PRKN: variants seen among roughly 807,000 people sequenced by gnomAD.
The protein encoded by PRKN is parkin RBR E3 ubiquitin protein ligase.
A neutral mutation model predicts 59.5 loss-of-function variants in PRKN; 56 were observed. The ratio of observed to expected loss-of-function variants is 0.94; its 90% CI spans 0.76 to 1.18. The LOEUF (loss-of-function observed/expected upper bound fraction) is 1.18. PRKN is among the 50% of genes most tolerant of loss of function. The pLI is 0.00. For missense variants in PRKN, 657 were observed against 596.4 expected (o/e 1.10, Z -1.06); for synonymous variants, 250 against 222.1 (o/e 1.13, Z -1.12).
chr6:161,422,113 A>G (rs900259604), intron 9 of PRKN, among the ~76,000 whole-genome samples: 3 of 152,100 alleles, frequency 2.0e-5, no homozygotes, highest in Non-Finnish European at 2.9e-5. Flanking sequence ...CATAAAACTT[A>G]TTAGCCAAGG....
chr6:162,101,793 G>A (rs1253408211), intron 4 of PRKN, among the ~76,000 whole-genome samples: 1 of 152,190 alleles, frequency 6.6e-6, no homozygotes, highest in Non-Finnish European at 1.5e-5. Flanking sequence ...GGCAGGTAGT[G>A]TGATGCCTCC....
intron 3 of PRKN, among the ~76,000 whole-genome samples, chr6:162,256,022 A>C (rs1195554056): frequency 1.3e-5 from 2 of 152,168 alleles, no homozygotes. Flanking sequence ...ATTAGAATCT[A>C]ATAACACACC....
At chr6:162,476,614 C>T (rs994002807) in intron 1 of PRKN, among the ~76,000 whole-genome samples, 2 of 152,086 alleles carry the variant, frequency 1.3e-5, no homozygotes, top group African/African-American at 4.8e-5. Context: ...GAGGAAAGGA[C>T]GAGCACAGGG....
intron 2 of PRKN, among the ~76,000 whole-genome samples, chr6:162,411,676 CT>C (rs1348704952): frequency 6.6e-6 from 1 of 152,084 alleles, no homozygotes; most frequent in African/African-American, 2.4e-5. Flanking sequence ...TCAGGTTTTT[CT>C]TTGAATATAG....
chr6:161,815,281 A>G (rs1334021531), intron 6 of PRKN, among the ~76,000 whole-genome samples: 1 of 152,240 alleles, frequency 6.6e-6, no homozygotes. Context: ...TTATACAACT[A>G]GAGGTATTGT....
chr6:162,314,202 T>C (rs1454702331), intron 2 of PRKN, among the ~76,000 whole-genome samples: 1 of 152,074 alleles, frequency 6.6e-6, no homozygotes, highest in Admixed American at 6.6e-5. Context: ...ATGTTCTGGG[T>C]TGAGTAAAGG....
intron 4 of PRKN, among the ~76,000 whole-genome samples, chr6:162,089,363 C>T (rs1438682434): frequency 6.6e-6 from 1 of 152,050 alleles, no homozygotes; most frequent in Non-Finnish European, 1.5e-5. Context: ...TTCACACCTA[C>T]AAATATTGCT....
At chr6:161,469,560 A>T (rs1009009362) in intron 9 of PRKN, among the ~76,000 whole-genome samples, 4 of 151,468 alleles carry the variant, frequency 2.6e-5, no homozygotes, top group African/African-American at 9.8e-5. Flanking sequence ...AGAGAGAGAG[A>T]GAGAGAGAGA....
chr6:162,493,935 A>G (rs1792935156), intron 1 of PRKN, among the ~76,000 whole-genome samples: 1 of 152,188 alleles, frequency 6.6e-6, no homozygotes, highest in African/African-American at 2.4e-5. Flanking sequence ...AGAAAACTCA[A>G]TGACCTCTAT....
At position 161,503,340 on chromosome 6, in the gene PRKN, C is replaced by A. The variant is rs1383227766; in HGVS notation, c.1083+45514G>T. Reference sequence around the variant, plus strand: ...ATAAAAAAGTCTTTTATACAATAGCCAAGACTCATGAACTTCTGTTTGCTG... The same window carrying A: ...ATAAAAAAGTCTTTTATACAATAGCAAAGACTCATGAACTTCTGTTTGCTG... On this transcript the variant is annotated intron_variant, in intron 9 of 11. Coordinates refer to ENST00000366898, the MANE Select transcript of PRKN (RefSeq NM_004562.3). This position sits in a 1 kb window ranked among gnomAD's most constrained non-coding sequence, Gnocchi z 5.1. Among the ~76,000 whole-genome samples, 1 of 152,116 alleles carries A rather than the reference C, an allele frequency of 6.6e-6. No homozygotes were observed. The highest frequency in any genetic ancestry group is 2.4e-5 in the African/African-American group (1 of 41,414).
intron 9 of PRKN, among the ~76,000 whole-genome samples, chr6:161,403,986 T>C (rs1226332702): frequency 6.6e-6 from 1 of 152,152 alleles, no homozygotes; most frequent in African/African-American, 2.4e-5. Context: ...CTTTTCTTTA[T>C]AAATTACCCA....
chr6:162,670,103 T>G (rs1186669005), intron 1 of PRKN, among the ~76,000 whole-genome samples: 1 of 152,158 alleles, frequency 6.6e-6, no homozygotes, highest in Non-Finnish European at 1.5e-5. Context: ...TAAATATCCC[T>G]TTTGAGTACA....
At chr6:162,257,652 T>G (rs1339723550) in intron 3 of PRKN, among the ~76,000 whole-genome samples, 1 of 152,070 alleles carries the variant, frequency 6.6e-6, no homozygotes, top group Non-Finnish European at 1.5e-5. Context: ...CTGCAAGGAA[T>G]TAAAAGAGGT....
At chr6:161,773,082 G>A (rs1438847519) in intron 7 of PRKN, among the ~76,000 whole-genome samples, 2 of 152,170 alleles carry the variant, frequency 1.3e-5, no homozygotes, top group African/African-American at 4.8e-5. Flanking sequence ...TATCTAGACA[G>A]GCAGAGGAAG....
chr6:162,389,017 A>AAAAAAAAC (rs1562724470), intron 2 of PRKN, among the ~76,000 whole-genome samples: 1 of 151,204 alleles, frequency 6.6e-6, no homozygotes, highest in Non-Finnish European at 1.5e-5. Context: ...GAAAAAAAAA[A>AAAAAAAAC]AAAAAAACAA....
rs1779969796 is a variant in PRKN, at chr6:161,550,649, G to A, written c.934-1646C>T. Among the ~76,000 whole-genome samples, 1 of 151,918 alleles carries A rather than the reference G, an allele frequency of 6.6e-6. No homozygotes were observed. Among genetic ancestry groups the A allele is most frequent in the Admixed American group, 6.6e-5 (1 of 15,256 alleles). ...AGGAAAAGAGGAGTCAACTGTGAGTGGAGTGTAGTTCCCCGTTTCCTGAGA... is the reference window on the plus strand; with the variant it reads ...AGGAAAAGAGGAGTCAACTGTGAGTAGAGTGTAGTTCCCCGTTTCCTGAGA... On this transcript the variant is annotated intron_variant, in intron 8 of 11. Coordinates refer to ENST00000366898, the MANE Select transcript of PRKN (RefSeq NM_004562.3). This position sits in a 1 kb window ranked among gnomAD's most constrained non-coding sequence, Gnocchi z 4.0.
rs1263337233 is a variant in PRKN at position 161,388,173 on chromosome 6, AC to A, written c.1084-1297del. Among the ~76,000 whole-genome samples, 3 of 152,126 alleles carry A rather than the reference AC, an allele frequency of 2.0e-5. No homozygotes were observed. Among genetic ancestry groups the A allele is most frequent in the Non-Finnish European group, 4.4e-5 (3 of 68,026 alleles). Reference sequence around the variant, plus strand: ...ATCATCCCATCCCCTGCCACCTGAAACACCTTGGGAAAGCCACCTTGGTTTC... The same window carrying A: ...ATCATCCCATCCCCTGCCACCTGAAAACCTTGGGAAAGCCACCTTGGTTTC... On this transcript the variant is annotated intron_variant, in intron 9 of 11. Coordinates refer to ENST00000366898, the MANE Select transcript of PRKN (RefSeq NM_004562.3). The surrounding 1 kb of genome is among the most constrained non-coding windows in gnomAD (Gnocchi z 4.3).
intron 9 of PRKN, among the ~76,000 whole-genome samples, chr6:161,439,050 A>G (rs552125327): frequency 1.3e-5 from 2 of 152,358 alleles, no homozygotes; most frequent in East Asian, 3.9e-4. Flanking sequence ...TCTTTCAGAA[A>G]CAGAAGGAAA....
At chr6:161,699,004 T>C (rs1017298931) in intron 7 of PRKN, among the ~76,000 whole-genome samples, 2 of 152,112 alleles carry the variant, frequency 1.3e-5, no homozygotes, top group Admixed American at 6.6e-5. Context: ...ATAAAGGACA[T>C]GTAACTAGAG....
Sources: allele counts gnomAD v4.1 joint callset (sites outside exome capture counted in the v4.1 genomes callset), GRCh38; gene constraint gnomAD v4.1.1; non-coding constraint Gnocchi (gnomAD v3.1); transcripts MANE v1.5; gene names NCBI Gene and HGNC (gene_info 2026-07-23, HGNC 2026-07-21).